Variants in ARHGAP8 observed in about 807,000 individuals in gnomAD.
ARHGAP8 encodes the protein rho GTPase-activating protein 8.
ARHGAP8 carries 62 observed loss-of-function variants against 46.1 expected under a neutral mutation model. That is an observed-to-expected ratio of 1.34 (90% CI 1.10 to 1.66). ARHGAP8 has a LOEUF of 1.66. Ranked by LOEUF, ARHGAP8 falls within the 40% of genes most tolerant of loss-of-function variation. ARHGAP8 has a pLI of 0.00. For synonymous variants in ARHGAP8, 375 were observed against 243.1 expected (o/e 1.54, Z -5.05); for missense variants, 923 against 568.4 (o/e 1.62, Z -6.34).
chr22:44,847,121 G>C (rs1232531715), intron 8 of ARHGAP8, among the ~76,000 whole-genome samples: 1 of 152,186 alleles, frequency 6.6e-6, no homozygotes, highest in African/African-American at 2.4e-5. Flanking sequence ...CACAGTCCTA[G>C]GTCCTGGTGT....
intron 1 of ARHGAP8, among the ~76,000 whole-genome samples, chr22:44,776,877 T>TC (rs1026778765): frequency 6.6e-6 from 1 of 151,834 alleles, no homozygotes; most frequent in African/African-American, 2.4e-5. Flanking sequence ...TCTCCCTGTA[T>TC]CCCCCCTGCC....
At chr22:44,861,995 G>A (rs892997743) in intron 11 of ARHGAP8, among the ~76,000 whole-genome samples, 1 of 152,206 alleles carries the variant, frequency 6.6e-6, no homozygotes, top group African/African-American at 2.4e-5. Flanking sequence ...CTCCCCAGAA[G>A]GTGCAGTGGA....
intron 1 of ARHGAP8, among the ~76,000 whole-genome samples, chr22:44,762,228 A>G (rs144706034): frequency 1.3e-5 from 2 of 152,336 alleles, no homozygotes; most frequent in Non-Finnish European, 2.9e-5. Context: ...ACTTGAGGCC[A>G]GGAGTTTGAG....
At chr22:44,842,342 G>A (rs1326638591) in intron 7 of ARHGAP8, among the ~76,000 whole-genome samples, 1 of 152,038 alleles carries the variant, frequency 6.6e-6, no homozygotes, top group Non-Finnish European at 1.5e-5. Flanking sequence ...GGGGGACAGA[G>A]CGAGACTCCA....
intron 2 of ARHGAP8, among the ~76,000 whole-genome samples, chr22:44,797,403 C>T (rs1178305092): frequency 1.3e-5 from 2 of 152,108 alleles, no homozygotes; most frequent in African/African-American, 4.8e-5. Context: ...ACCCTGGCCT[C>T]CGCGGTGGTA....
At chr22:44,812,343 CT>C (rs530097460) in intron 4 of ARHGAP8, among the ~76,000 whole-genome samples, 9,206 of 134,040 alleles carry the variant, frequency 0.069, 325 homozygotes, top group African/African-American at 0.091. Context: ...CTCTCAGAGC[CT>C]TTTTTTTTTT....
intron 1 of ARHGAP8, among the ~76,000 whole-genome samples, chr22:44,780,758 A>T (rs549080704): frequency 6.6e-6 from 1 of 152,220 alleles, no homozygotes; most frequent in Non-Finnish European, 1.5e-5. Context: ...CCATTAGTCC[A>T]TGTTTTATCT....
At chr22:44,793,121 C>T (rs1156653187) in intron 2 of ARHGAP8, among the ~76,000 whole-genome samples, 1 of 152,104 alleles carries the variant, frequency 6.6e-6, no homozygotes, top group African/African-American at 2.4e-5. Flanking sequence ...CGCACCTGGC[C>T]AGAATAGTGT....
At chr22:44,857,042 A>G (rs1347410671) in intron 10 of ARHGAP8, among the ~76,000 whole-genome samples, 1 of 142,250 alleles carries the variant, frequency 7.0e-6, no homozygotes, top group Non-Finnish European at 1.5e-5. Context: ...CCGGGTTCAA[A>G]TGACTCTGTT....
intron 1 of ARHGAP8, among the ~76,000 whole-genome samples, chr22:44,783,688 G>A (rs969794695): frequency 6.6e-6 from 1 of 152,208 alleles, no homozygotes; most frequent in Non-Finnish European, 1.5e-5. Context: ...CCCCGTCAGC[G>A]GCACAAATAG....
At chr22:44,778,848 C>A (rs1926612323) in intron 1 of ARHGAP8, among the ~76,000 whole-genome samples, 3 of 152,126 alleles carry the variant, frequency 2.0e-5, no homozygotes, top group Non-Finnish European at 4.4e-5. Context: ...ATGGTCAGCC[C>A]TCCTCTCTCT....
At chr22:44,846,182 T>G (rs1440247075) in intron 8 of ARHGAP8, among the ~76,000 whole-genome samples, 1 of 152,214 alleles carries the variant, frequency 6.6e-6, no homozygotes, top group African/African-American at 2.4e-5. Context: ...CGCCACCGTG[T>G]GGTCCCTTGG....
chr22:44,848,872 C>T (rs980951747), intron 9 of ARHGAP8, 60 bp from the exon 10 acceptor site: 1 of 1,604,576 alleles, frequency 6.2e-7, no homozygotes, highest in Non-Finnish European at 8.5e-7. Flanking sequence ...AGAGCTCGTT[C>T]TGCAGCGGCA....
intron 1 of ARHGAP8, among the ~76,000 whole-genome samples, chr22:44,770,819 A>G (rs115807845): frequency 1.7e-3 from 260 of 152,332 alleles, no homozygotes; most frequent in African/African-American, 6.0e-3. Flanking sequence ...TGCAGAATTC[A>G]GACCCCTCTC....
chr22:44,763,915 A>G (rs1389263173), intron 1 of ARHGAP8, among the ~76,000 whole-genome samples: 2 of 148,912 alleles, frequency 1.3e-5, no homozygotes, highest in African/African-American at 5.0e-5. Flanking sequence ...GGTTCACGCC[A>G]TTCTGCTGTC....
chr22:44,841,794 G>A lies in ARHGAP8; in HGVS notation c.597-3475G>A, dbSNP rs998487972. Among the ~76,000 whole-genome samples the A allele has an allele frequency of 7.2e-5, 11 of 152,294 alleles. No homozygotes were observed. In the East Asian group the frequency reaches 1.2e-3, roughly 16 times the overall value. Reference sequence around the variant, plus strand: ...GCCAAACTACGCTGTCTCCTTGGACGTGGTATATGTTGTGTCTGCTCACGT... The same window carrying A: ...GCCAAACTACGCTGTCTCCTTGGACATGGTATATGTTGTGTCTGCTCACGT... On this transcript the variant is annotated intron_variant, in intron 7 of 11. Coordinates refer to ENST00000356099, the MANE Select transcript of ARHGAP8 (RefSeq NM_181335.3).
intron 9 of ARHGAP8, 56 bp downstream of exon 9, chr22:44,848,106 T>A: frequency 6.3e-7 from 1 of 1,593,480 alleles, no homozygotes; most frequent in South Asian, 1.1e-5. Flanking sequence ...AGCACAGCGC[T>A]CCGGGGCCTC....
At chr22:44,852,644 GAA>G (rs1569181101) in intron 10 of ARHGAP8, among the ~76,000 whole-genome samples, 1 of 152,204 alleles carries the variant, frequency 6.6e-6, no homozygotes, top group Non-Finnish European at 1.5e-5. Context: ...TCACTCCAGG[GAA>G]AGAGTTGTGT....
chr22:44,849,147 G>C, intron 10 of ARHGAP8, 87 bp downstream of exon 10: 1 of 1,586,420 alleles, frequency 6.3e-7, no homozygotes, highest in South Asian at 1.1e-5. Context: ...GCTCTGGGGT[G>C]GCCGAGGTGA....
Sources: gnomAD v4.1 joint callset for allele counts (sites outside exome capture counted in the v4.1 genomes callset) on GRCh38, gnomAD v4.1.1 for gene constraint, MANE v1.5 for transcripts, NCBI Gene and HGNC (gene_info 2026-07-23, HGNC 2026-07-21) for gene names.